The following ZNF846 variants were observed in gnomAD, a reference collection of about 807,000 sequenced individuals.
The protein encoded by ZNF846 is zinc finger protein 846.
In ZNF846, 15 loss-of-function variants were observed where a neutral mutation model predicts 16.0. The observed-to-expected ratio is 0.94, with a 90% CI of 0.63 to 1.45. The LOEUF is 1.45. Ranked by LOEUF, ZNF846 falls within the 40% of genes most tolerant of loss-of-function variation. ZNF846 has a pLI of 0.00. For missense variants in ZNF846, 714 were observed against 622.3 expected (o/e 1.15, Z -1.57); for synonymous variants, 229 against 212.0 (o/e 1.08, Z -0.70).
upstream of ZNF846, among the ~76,000 whole-genome samples, chr19:9,771,535 A>G (rs1272715935): frequency 6.6e-6 from 1 of 152,166 alleles, no homozygotes; most frequent in African/African-American, 2.4e-5. Flanking sequence ...TCCCACTTAT[A>G]AGTGAGAACA....
intron 1 of ZNF846, among the ~76,000 whole-genome samples, chr19:9,779,495 C>T (rs371787583): frequency 2.0e-5 from 3 of 150,032 alleles, no homozygotes; most frequent in East Asian, 2.0e-4. Flanking sequence ...CTCAAACTCC[C>T]GACCTCAGGT....
chr19:9,760,292 A>G (rs1462484484), intron 4 of ZNF846, among the ~76,000 whole-genome samples: 1 of 85,014 alleles, frequency 1.2e-5, no homozygotes, highest in Non-Finnish European at 2.4e-5. Flanking sequence ...ACTTCGTCTC[A>G]AAAAAAAAAA....
chr19:9,756,385 A>ATATAT (rs71188838), downstream of ZNF846: 1 of 133,574 alleles, frequency 7.5e-6, no homozygotes, highest in South Asian at 2.4e-4. Context: ...ATATATATAT[A>ATATAT]AAGACATTCC....
chr19:9,769,327 C>A (rs998387734), upstream of ZNF846, among the ~76,000 whole-genome samples: 3 of 152,234 alleles, frequency 2.0e-5, no homozygotes, highest in Admixed American at 6.5e-5. Context: ...AAGGATCCTC[C>A]CCCCTCGGCC....
chr19:9,770,609 T>G (rs1310617454), upstream of ZNF846, among the ~76,000 whole-genome samples: 1 of 151,974 alleles, frequency 6.6e-6, no homozygotes, highest in African/African-American at 2.4e-5. Flanking sequence ...GGCTCACACC[T>G]GTAATCCCAG....
intron 4 of ZNF846, among the ~76,000 whole-genome samples, chr19:9,761,013 C>T (rs571420006): frequency 6.6e-6 from 1 of 151,572 alleles, no homozygotes; most frequent in South Asian, 2.1e-4. Flanking sequence ...GCCTGGCCAA[C>T]ATGGTGAAAC....
rs763777027 is a variant in ZNF846 at position 9,757,990 on chromosome 19, C to A, written c.1087G>T (p.Glu363Ter). ...CATGCCTTACATAAATACAGCTTCTCTCCACTGTGAATCCTTACATGTTTT... is the reference window on the plus strand; with the variant it reads ...CATGCCTTACATAAATACAGCTTCTATCCACTGTGAATCCTTACATGTTTT... Residue 363 changes from glutamate to a stop codon, truncating the protein, a stop_gained, in exon 6 of 6, where the codon GAG becomes TAG. Transcript: ENST00000397902. LOFTEE classifies it low-confidence loss of function (END_TRUNC). The A allele has an allele frequency of 3.9e-5, 63 of 1,613,558 alleles. No individual in the cohort carries two copies. The Admixed American group carries it at 8.7e-4, about 22-fold the overall frequency.
At chr19:9,785,416 T>C (rs966175779) in intron 1 of ZNF846, among the ~76,000 whole-genome samples, 1 of 151,918 alleles carries the variant, frequency 6.6e-6, no homozygotes, top group Non-Finnish European at 1.5e-5. Flanking sequence ...CAGTATGGTC[T>C]TAATCGATTG....
intron 4 of ZNF846, among the ~76,000 whole-genome samples, chr19:9,760,554 G>A (rs1450076941): frequency 6.7e-6 from 1 of 149,758 alleles, no homozygotes; most frequent in African/African-American, 2.5e-5. Context: ...TACAAAAATT[G>A]GCCAGACATG....
chr19:9,765,589 C>T (rs2045302606), intron 1 of ZNF846, among the ~76,000 whole-genome samples: 1 of 152,146 alleles, frequency 6.6e-6, no homozygotes, highest in South Asian at 2.1e-4. Flanking sequence ...AACAGAATAG[C>T]ATGAACCCAG....
intron 1 of ZNF846, among the ~76,000 whole-genome samples, chr19:9,776,856 A>G (rs1449615490): frequency 6.6e-6 from 1 of 152,102 alleles, no homozygotes; most frequent in African/African-American, 2.4e-5. Flanking sequence ...ACTCCAGGGA[A>G]AGAATGGGAG....
At chr19:9,765,524 T>C (rs1394551062) in intron 1 of ZNF846, among the ~76,000 whole-genome samples, 1 of 151,754 alleles carries the variant, frequency 6.6e-6, no homozygotes, top group Non-Finnish European at 1.5e-5. Flanking sequence ...TACAAAAAAA[T>C]TAGCTGGGCA....
intron 1 of ZNF846, among the ~76,000 whole-genome samples, chr19:9,775,251 T>C (rs529485633): frequency 6.6e-6 from 1 of 151,946 alleles, no homozygotes; most frequent in South Asian, 2.1e-4. Flanking sequence ...AACCAAACTT[T>C]TTAATGGAGT....
intron 1 of ZNF846, among the ~76,000 whole-genome samples, chr19:9,776,747 G>A (rs1052486923): frequency 3.3e-5 from 5 of 152,108 alleles, no homozygotes; most frequent in Non-Finnish European, 7.4e-5. Flanking sequence ...GAAGCCCACC[G>A]ACCCTGTGGG....
chr19:9,761,121 G>A (rs180677096), intron 4 of ZNF846, among the ~76,000 whole-genome samples: 1 of 148,192 alleles, frequency 6.7e-6, no homozygotes, highest in Admixed American at 6.6e-5. Flanking sequence ...ATCACTTGAA[G>A]CCAGGAAGCT....
At chr19:9,785,465 C>T (rs952998627) in intron 1 of ZNF846, among the ~76,000 whole-genome samples, 24 of 151,648 alleles carry the variant, frequency 1.6e-4, no homozygotes, top group Admixed American at 8.6e-4. Flanking sequence ...CAGTCTGTCC[C>T]CTCACCACTA....
rs1555715033 is a variant in ZNF846, at chr19:9,785,218, T to TTG, written c.-86+719_-86+720insCA. 8.2e-4 allele frequency among the ~76,000 whole-genome samples: 123 copies of TTG among 149,862 alleles called. 1 individual carries two copies. The highest frequency in any genetic ancestry group is 2.9e-3 in the African/African-American group (117 of 40,714). On this transcript the variant is annotated intron_variant, in intron 1 of 4. Coordinates refer to the ZNF846 transcript ENST00000586814. ...CACCGAGATTTTTTTTTTTTTTTTT[T>TTG]TTTGAGACGGAGTCTCGCTCTATCA... is the stretch of plus-strand genomic sequence containing the variant.
downstream of ZNF846, among the ~76,000 whole-genome samples, chr19:9,751,051 C>A (rs2045079865): frequency 6.6e-6 from 1 of 152,202 alleles, no homozygotes. Flanking sequence ...TGGCCACTCT[C>A]TAACTGGGTA....
downstream of ZNF846, among the ~76,000 whole-genome samples, chr19:9,754,553 A>G (rs868250828): frequency 8.0e-6 from 1 of 125,442 alleles, no homozygotes; most frequent in Non-Finnish European, 1.6e-5. Context: ...CGACAGAGCG[A>G]GACTCTGTCT....
Sources: gnomAD v4.1 joint callset for allele counts (sites outside exome capture counted in the v4.1 genomes callset) on GRCh38, gnomAD v4.1.1 for gene constraint, MANE v1.5 for transcripts, NCBI Gene and HGNC (gene_info 2026-07-23, HGNC 2026-07-21) for gene names.